Variants in ATL3 observed in about 807,000 individuals in gnomAD.
The protein encoded by ATL3 is atlastin-3.
In ATL3, 49 loss-of-function variants were observed where a neutral mutation model predicts 69.5. The ratio of observed to expected loss-of-function variants is 0.71; its 90% CI spans 0.56 to 0.89. The LOEUF (loss-of-function observed/expected upper bound fraction) is 0.89, where lower values mean the gene tolerates loss of function less well. Ranked by LOEUF, ATL3 falls within the 40% of genes least tolerant of loss-of-function variation. The pLI is 0.00. For missense variants in ATL3, 606 were observed against 645.7 expected (o/e 0.94, Z 0.67); for synonymous variants, 214 against 224.1 (o/e 0.95, Z 0.40).
chr11:63,642,572 G>A lies in ATL3; in HGVS notation c.850+785C>T, dbSNP rs181403422. Among the ~76,000 whole-genome samples the A allele has an allele frequency of 3.4e-4, 52 of 152,302 alleles. 1 individual carries two copies. The highest frequency in any genetic ancestry group is 2.0e-4 in the Admixed American group (3 of 15,294). Reference sequence around the variant, plus strand: ...GGTTTGGAGCAACAAGAACTTGGATGTAGATCTACGCCTCACCACTTACTT... The same window carrying A: ...GGTTTGGAGCAACAAGAACTTGGATATAGATCTACGCCTCACCACTTACTT... On this transcript the variant is annotated intron_variant, in intron 8 of 12. Transcript: ENST00000398868.
intron 5 of ATL3, among the ~76,000 whole-genome samples, chr11:63,649,509 A>C (rs1263170395): frequency 1.3e-5 from 2 of 151,820 alleles, no homozygotes; most frequent in African/African-American, 4.8e-5. Context: ...TGTATATAGT[A>C]CAAGGTAGAA....
intron 8 of ATL3, among the ~76,000 whole-genome samples, chr11:63,640,692 C>T (rs1390898552): frequency 6.7e-6 from 1 of 148,866 alleles, no homozygotes; most frequent in South Asian, 2.1e-4. Context: ...GCAACCTCTG[C>T]CTCCCAGATT....
rs1386617678 is a variant in ATL3 at position 63,625,077 on chromosome 11, A to G, written c.*4242T>C. 6.6e-6 allele frequency: 1 copy of G among 152,224 alleles called. No homozygotes were observed. The highest frequency in any genetic ancestry group is 6.5e-5 in the Admixed American group (1 of 15,284). 9.4% of individuals were successfully genotyped at this position (152,224 alleles called of 1,614,324 possible). ...GTAAGTCTTATGCACTCCAAGGTAG[A>G]TGAGAACCACTACCCTAAACATAGC... On this transcript the variant is annotated 3_prime_UTR_variant, in exon 13 of 13. Coordinates refer to ENST00000398868, the MANE Select transcript of ATL3 (RefSeq NM_015459.5).
At chr11:63,654,826 A>G (rs889223583) in intron 3 of ATL3, among the ~76,000 whole-genome samples, 3 of 150,718 alleles carry the variant, frequency 2.0e-5, no homozygotes, top group African/African-American at 7.3e-5. Flanking sequence ...CCTCCTGAGT[A>G]GCTGGGATTA....
At chr11:63,669,649 A>G (rs1940711530) in intron 1 of ATL3, among the ~76,000 whole-genome samples, 1 of 152,172 alleles carries the variant, frequency 6.6e-6, no homozygotes, top group South Asian at 2.1e-4. Flanking sequence ...AACTGTAGCT[A>G]ATACAATAAT....
intron 1 of ATL3, among the ~76,000 whole-genome samples, chr11:63,664,879 T>C (rs1178846149): frequency 6.6e-6 from 1 of 152,044 alleles, no homozygotes; most frequent in Non-Finnish European, 1.5e-5. Flanking sequence ...GTGCTGGGAT[T>C]ACAGGCGTGA....
Position 63,633,047 on chromosome 11 carries a change from A to G in ATL3, c.1086T>C (p.Ile362=). ...GTACCTCTTCCATGTTGTTATAATA[A>G]ATGTCCTTGGCAGAGGCTGCAGCTG... ...NLAAAASAKD[I]YYNNMEEVCG... The change falls in exon 11 of 13, where the codon ATT becomes ATC. Residue 362 remains isoleucine, a synonymous_variant. Transcript: ENST00000398868. The G allele has an allele frequency of 6.2e-7, 1 of 1,614,110 alleles. No individual in the cohort carries two copies. Among genetic ancestry groups the G allele is most frequent in the Non-Finnish European group, 8.5e-7 (1 of 1,179,986 alleles).
intron 1 of ATL3, among the ~76,000 whole-genome samples, chr11:63,664,763 A>G (rs1940525619): frequency 6.6e-6 from 1 of 150,986 alleles, no homozygotes. Context: ...ATGCACCTCC[A>G]TGCCCGGCTA....
At chr11:63,671,509 G>C (rs1414312485), upstream of ATL3, 2 of 1,444,820 alleles carry the variant, frequency 1.4e-6, no homozygotes, top group Non-Finnish European at 1.8e-6. Flanking sequence ...CGCGGTCTGC[G>C]TGGCCCAACG....
At chr11:63,641,809 C>T (rs1565273608) in intron 8 of ATL3, among the ~76,000 whole-genome samples, 2 of 152,192 alleles carry the variant, frequency 1.3e-5, no homozygotes, top group Non-Finnish European at 1.5e-5. Flanking sequence ...CTTTAAAAAA[C>T]TCTGCCTACT....
chr11:63,626,520 T>C lies in ATL3; in HGVS notation c.*2799A>G, dbSNP rs959522774. The C allele has an allele frequency of 2.6e-5, 4 of 152,206 alleles. No homozygotes were observed. The highest frequency in any genetic ancestry group is 9.7e-5 in the African/African-American group (4 of 41,444). 9.4% of individuals were successfully genotyped at this position (152,206 alleles called of 1,614,324 possible). A position where few individuals can be genotyped will look rare whatever the true frequency, so the allele number is the denominator to read the frequency against. On this transcript the variant is annotated 3_prime_UTR_variant, in exon 13 of 13. Transcript: ENST00000398868. ...AACTCTGATTCTACCATTTTTACTA[T>C]AAGCAGCTCATTGAAATTATTTTTT...
At position 63,626,839 on chromosome 11, in the gene ATL3, T is replaced by C. The variant is rs962935652; in HGVS notation, c.*2480A>G. 2 of 151,952 alleles carry C rather than the reference T, an allele frequency of 1.3e-5. No individual in the cohort carries two copies. The highest frequency in any genetic ancestry group is 2.9e-5 in the Non-Finnish European group (2 of 68,014). 9.4% of individuals were successfully genotyped at this position (151,952 alleles called of 1,614,324 possible). ...ATGCATCTTTTATTGAAAAAGCTGA[T>C]ATAAAATCATCAATTTACTGTTGAG... On this transcript the variant is annotated 3_prime_UTR_variant, in exon 13 of 13. Coordinates refer to ENST00000398868, the MANE Select transcript of ATL3 (RefSeq NM_015459.5).
upstream of ATL3, chr11:63,671,768 A>T: frequency 8.5e-7 from 1 of 1,180,748 alleles, no homozygotes; most frequent in Non-Finnish European, 1.1e-6. Flanking sequence ...CGACTGAACT[A>T]CAACTCCCAG....
Position 63,626,810 on chromosome 11 carries a change from G to T in ATL3, c.*2509C>A, listed in dbSNP as rs1392258875. Reference sequence around the variant, plus strand: ...CCCAGGATGATTTATAGCCAGTAATGATAATGCATCTTTTATTGAAAAAGC... The same window carrying T: ...CCCAGGATGATTTATAGCCAGTAATTATAATGCATCTTTTATTGAAAAAGC... On this transcript the variant is annotated 3_prime_UTR_variant, in exon 13 of 13. Transcript: ENST00000398868. 6.6e-6 allele frequency: 1 copy of T among 152,068 alleles called. No individual in the cohort carries two copies. The highest frequency in any genetic ancestry group is 2.4e-5 in the African/African-American group (1 of 41,410). 9.4% of individuals were successfully genotyped at this position (152,068 alleles called of 1,614,324 possible). A position where few individuals can be genotyped will look rare whatever the true frequency, so the allele number is the denominator to read the frequency against.
chr11:63,656,035 T>C (rs980158505), intron 3 of ATL3, among the ~76,000 whole-genome samples: 1 of 151,802 alleles, frequency 6.6e-6, no homozygotes, highest in African/African-American at 2.4e-5. Context: ...CCATCCTGGC[T>C]AACACAGTGA....
chr11:63,637,394 A>G (rs1185000315), intron 8 of ATL3, among the ~76,000 whole-genome samples: 2 of 152,180 alleles, frequency 1.3e-5, no homozygotes, highest in Non-Finnish European at 2.9e-5. Context: ...TCAATTAGAA[A>G]TCACTGGTCA....
chr11:63,627,057 A>G lies in ATL3; in HGVS notation c.*2262T>C, dbSNP rs973893945. ...GTAACTGAATCTTAAGATTTCATTA[A>G]ATCATACATTATCACTTTTTTTAAA... On this transcript the variant is annotated 3_prime_UTR_variant, in exon 13 of 13. Transcript: ENST00000398868. 3.9e-5 allele frequency: 6 copies of G among 152,236 alleles called. No individual in the cohort carries two copies. Among genetic ancestry groups the G allele is most frequent in the Admixed American group, 2.6e-4 (4 of 15,272 alleles). 9.4% of individuals were successfully genotyped at this position (152,236 alleles called of 1,614,324 possible).
intron 8 of ATL3, among the ~76,000 whole-genome samples, chr11:63,641,285 A>G (rs1939693492): frequency 6.6e-6 from 1 of 152,204 alleles, no homozygotes; most frequent in Non-Finnish European, 1.5e-5. Context: ...GAAACTTGAC[A>G]CGCTTAATAT....
chr11:63,663,280 G>A (rs1277475063), intron 1 of ATL3, among the ~76,000 whole-genome samples: 1 of 152,002 alleles, frequency 6.6e-6, no homozygotes, highest in Non-Finnish European at 1.5e-5. Flanking sequence ...CACCATGCCT[G>A]GCTAATTTTT....
Sources: allele counts gnomAD v4.1 joint callset (sites outside exome capture counted in the v4.1 genomes callset), GRCh38; gene constraint gnomAD v4.1.1; transcripts MANE v1.5; gene names NCBI Gene and HGNC (gene_info 2026-07-23, HGNC 2026-07-21).